Variants in PCSK2 observed in about 807,000 individuals in gnomAD.
The protein encoded by PCSK2 is proprotein convertase subtilisin/kexin type 2.
PCSK2 carries 14 observed loss-of-function variants against 69.7 expected under a neutral mutation model. The observed-to-expected ratio is 0.20, with a 90% confidence interval of 0.13 to 0.31. PCSK2 has a LOEUF of 0.31. Among genes scored for constraint, PCSK2 ranks in the 10% least tolerant of loss-of-function variants. The pLI is 1.00. For missense variants in PCSK2, 544 were observed against 842.5 expected (o/e 0.65, Z 4.39); for synonymous variants, 307 against 320.7 (o/e 0.96, Z 0.46).
intron 8 of PCSK2, 85 bp downstream of exon 8, chr20:17,436,968 T>G: frequency 8.6e-7 from 1 of 1,158,806 alleles, no homozygotes; most frequent in Non-Finnish European, 1.2e-6. Context: ...GGTGAACCAC[T>G]GTCACCCTGT....
chr20:17,347,787 C>CGAAAGAAAGAAAGAAAGAAA (rs58349005), intron 2 of PCSK2, among the ~76,000 whole-genome samples: 5 of 48,554 alleles, frequency 1.0e-4, no homozygotes, highest in East Asian at 9.0e-4. Flanking sequence ...GACACATAGA[C>CGAAAGAAAGAAAGAAAGAAA]GAAAGAAAGA....
At chr20:17,415,820 G>T (rs1490625751) in intron 6 of PCSK2, among the ~76,000 whole-genome samples, 1 of 152,050 alleles carries the variant, frequency 6.6e-6, no homozygotes, top group Non-Finnish European at 1.5e-5. Context: ...GCATGGCACT[G>T]GTACCAAAAC....
At chr20:17,455,421 C>A (rs1402724670) in intron 9 of PCSK2, among the ~76,000 whole-genome samples, 1 of 152,138 alleles carries the variant, frequency 6.6e-6, no homozygotes, top group East Asian at 1.9e-4. Context: ...AATCTGTTTA[C>A]CAGTCTCCCC....
intron 1 of PCSK2, among the ~76,000 whole-genome samples, chr20:17,232,489 A>G (rs1986175324): frequency 6.6e-6 from 1 of 152,192 alleles, no homozygotes; most frequent in South Asian, 2.1e-4. Flanking sequence ...TTTTAAACAC[A>G]TTTGTTTCAG....
chr20:17,303,538 A>G (rs1350102553), intron 2 of PCSK2, among the ~76,000 whole-genome samples: 4 of 38,932 alleles, frequency 1.0e-4, no homozygotes, highest in Admixed American at 5.0e-4. Flanking sequence ...ATTATATTAT[A>G]TATAATATGA....
At chr20:17,428,956 A>C (rs2032304769) in intron 6 of PCSK2, among the ~76,000 whole-genome samples, 1 of 128,898 alleles carries the variant, frequency 7.8e-6, no homozygotes, top group African/African-American at 2.9e-5. Flanking sequence ...CCAAGATTGC[A>C]CCACTGCATT....
At chr20:17,281,760 G>A (rs754417781) in intron 2 of PCSK2, among the ~76,000 whole-genome samples, 5 of 152,172 alleles carry the variant, frequency 3.3e-5, no homozygotes, top group Non-Finnish European at 7.3e-5. Flanking sequence ...AGCAAGCCAG[G>A]TGTTCTGATA....
intron 2 of PCSK2, among the ~76,000 whole-genome samples, chr20:17,276,831 C>T (rs1188810998): frequency 2.0e-5 from 3 of 152,146 alleles, no homozygotes; most frequent in Admixed American, 2.0e-4. Context: ...ATCGTCTCAG[C>T]CCAAAATCTC....
intron 1 of PCSK2, among the ~76,000 whole-genome samples, chr20:17,229,077 A>G (rs982241448): frequency 3.9e-5 from 6 of 152,102 alleles, no homozygotes; most frequent in African/African-American, 1.2e-4. Context: ...ACGCCATTAT[A>G]AAATATAATA....
intron 6 of PCSK2, among the ~76,000 whole-genome samples, chr20:17,422,414 G>T (rs754560556): frequency 9.9e-5 from 15 of 151,986 alleles, no homozygotes; most frequent in Non-Finnish European, 1.9e-4. Context: ...AAAGAATAAA[G>T]GAGTCCTAAA....
intron 8 of PCSK2, among the ~76,000 whole-genome samples, chr20:17,447,943 T>G (rs2328146): frequency 0.66 from 100,902 of 151,996 alleles, 33,854 homozygotes; most frequent in African/African-American, 0.75. Context: ...TGCATTTATA[T>G]GTAAAATTGG....
intron 5 of PCSK2, among the ~76,000 whole-genome samples, chr20:17,380,902 C>T (rs189917100): frequency 7.2e-5 from 11 of 152,262 alleles, no homozygotes. Context: ...GTTTTCTTTC[C>T]ACTTTCTTGC....
intron 2 of PCSK2, among the ~76,000 whole-genome samples, chr20:17,350,276 A>G (rs1023964768): frequency 6.6e-6 from 1 of 151,308 alleles, no homozygotes; most frequent in African/African-American, 2.4e-5. Flanking sequence ...GGTAAATAAA[A>G]TAATTCTCAG....
At chr20:17,353,972 G>A (rs1600516110) in intron 2 of PCSK2, among the ~76,000 whole-genome samples, 2 of 152,270 alleles carry the variant, frequency 1.3e-5, no homozygotes, top group South Asian at 2.1e-4. Context: ...ATAAAGATGG[G>A]AAGAGTAGAC....
intron 5 of PCSK2, among the ~76,000 whole-genome samples, chr20:17,394,632 C>T (rs998424936): frequency 2.6e-5 from 4 of 152,244 alleles, no homozygotes; most frequent in Non-Finnish European, 5.9e-5. Context: ...GAGTCAGGGA[C>T]GTGTCATCTC....
At chr20:17,239,439 T>TAGC (rs11473226) in intron 1 of PCSK2, among the ~76,000 whole-genome samples, 66,347 of 151,650 alleles carry the variant, frequency 0.44, 15,217 homozygotes, top group African/African-American at 0.58. Context: ...TGAAGTTCAG[T>TAGC]AGCAGCACTT....
chr20:17,287,431 C>CTGTGTGTGTGTGTGTGTGTGTGTG (rs67695913), intron 2 of PCSK2, among the ~76,000 whole-genome samples: 2 of 145,928 alleles, frequency 1.4e-5, no homozygotes, highest in African/African-American at 5.1e-5. Flanking sequence ...ATGTGCGTGT[C>CTGTGTGTGTGTGTGTGTGTGTGTG]TGTGTGTGTG....
At chr20:17,421,807 TAAAAAAAA>T (rs56376793) in intron 6 of PCSK2, among the ~76,000 whole-genome samples, 24 of 78,962 alleles carry the variant, frequency 3.0e-4, no homozygotes, top group African/African-American at 9.1e-4. Flanking sequence ...GGAAGAGAGG[TAAAAAAAA>T]AAAAAAAAAA....
chr20:17,306,149 A>G (rs962911712), intron 2 of PCSK2, among the ~76,000 whole-genome samples: 1 of 152,218 alleles, frequency 6.6e-6, no homozygotes, highest in African/African-American at 2.4e-5. Flanking sequence ...CCCTTTAGCC[A>G]AAGAGTATTG....
Sources: gnomAD v4.1 joint callset for allele counts (sites outside exome capture counted in the v4.1 genomes callset) on GRCh38, gnomAD v4.1.1 for gene constraint, MANE v1.5 for transcripts, NCBI Gene and HGNC (gene_info 2026-07-23, HGNC 2026-07-21) for gene names.